The following ITGA8 variants were observed in gnomAD, a reference collection of about 807,000 sequenced individuals.
The protein encoded by ITGA8 is integrin alpha-8.
A neutral mutation model predicts 142.3 loss-of-function variants in ITGA8; 91 were observed. The observed-to-expected ratio is 0.64, with a 90% CI of 0.54 to 0.76. ITGA8 has a LOEUF of 0.76. Ranked by LOEUF, ITGA8 falls within the 30% of genes least tolerant of loss-of-function variation. ITGA8 has a pLI of 0.00. For synonymous variants in ITGA8, 505 were observed against 485.2 expected, an observed-to-expected ratio of 1.04 and a Z score of -0.54; for missense variants, 1,406 against 1,327.7, an observed-to-expected ratio of 1.06 and a Z score of -0.92.
intron 27 of ITGA8, among the ~76,000 whole-genome samples, chr10:15,541,928 G>A (rs17137392): frequency 0.055 from 8,358 of 151,784 alleles, 743 homozygotes; most frequent in African/African-American, 0.19. Context: ...CAGTACATTC[G>A]GCCCCTTGGT....
At chr10:15,592,191 T>C (rs1294252510) in intron 22 of ITGA8, 34 bp downstream of exon 22, 1 of 1,483,746 alleles carries the variant, frequency 6.7e-7, no homozygotes, top group Non-Finnish European at 9.4e-7. Flanking sequence ...TTCTTTTGAC[T>C]GCTGTCAACG....
At chr10:15,603,151 T>C (rs1408504887) in intron 20 of ITGA8, among the ~76,000 whole-genome samples, 1 of 152,074 alleles carries the variant, frequency 6.6e-6, no homozygotes, top group African/African-American at 2.4e-5. Context: ...ACTAAGAAGA[T>C]CGTTCAACTA....
intron 11 of ITGA8, among the ~76,000 whole-genome samples, chr10:15,649,158 C>T (rs1286666190): frequency 6.6e-6 from 1 of 151,936 alleles, no homozygotes; most frequent in Non-Finnish European, 1.5e-5. Context: ...ATGCTTGGTG[C>T]TAGGGGCATT....
rs1379893147 is a variant in ITGA8 at position 15,572,354 on chromosome 10, G to C, written c.2494C>G (p.Pro832Ala). 3 of 1,613,726 alleles carry C rather than the reference G, an allele frequency of 1.9e-6. No individual in the cohort carries two copies. Among genetic ancestry groups the C allele is most frequent in the African/African-American group, 1.3e-5 (1 of 74,860 alleles). Residue 832 changes from proline to alanine, a missense_variant, in exon 25 of 30, where the codon CCA (proline) becomes GCA (alanine). Pro to Ala is a conservative substitution (Grantham distance 27). Coordinates refer to ENST00000378076, the MANE Select transcript of ITGA8 (RefSeq NM_003638.3). ...EHIYELHNIG[P>A]STISDTILEV... is the part of the protein sequence containing the mutation. Reference sequence around the variant, plus strand: ...AGGATGGTGTCACTGATGGTACTTGGTCCAATATTGTGCAGCTGTAAACAA... The same window carrying C: ...AGGATGGTGTCACTGATGGTACTTGCTCCAATATTGTGCAGCTGTAAACAA...
chr10:15,689,589 C>T (rs1189439564), intron 2 of ITGA8, among the ~76,000 whole-genome samples: 1 of 152,230 alleles, frequency 6.6e-6, no homozygotes, highest in African/African-American at 2.4e-5. Flanking sequence ...AGCAGCACAA[C>T]TCCAGAGACG....
At position 15,633,839 on chromosome 10, in the gene ITGA8, G is replaced by C. The variant is rs184514701; in HGVS notation, c.1399+10191C>G. ...ATTAATTCACAATGTTGTATCCCTT[G>C]ATAATACAAAGGGTTGTCAAAAGTA... On this transcript the variant is annotated intron_variant, in intron 13 of 29. Transcript: ENST00000378076. Among the ~76,000 whole-genome samples the C allele has an allele frequency of 5.3e-5, 8 of 152,222 alleles. No individual in the cohort carries two copies. The East Asian group carries it at 1.5e-3, about 29-fold the overall frequency.
chr10:15,588,218 G>A (rs1316968591), intron 22 of ITGA8, among the ~76,000 whole-genome samples: 1 of 152,202 alleles, frequency 6.6e-6, no homozygotes, highest in Non-Finnish European at 1.5e-5. Flanking sequence ...AAAGCAGGAG[G>A]CGGCAGAATT....
intron 29 of ITGA8, among the ~76,000 whole-genome samples, chr10:15,518,065 C>G (rs1832996323): frequency 6.6e-6 from 1 of 152,188 alleles, no homozygotes; most frequent in South Asian, 2.1e-4. Flanking sequence ...TATTTCAATG[C>G]CAGAACCAGG....
At chr10:15,615,768 C>T (rs1050653822) in intron 14 of ITGA8, among the ~76,000 whole-genome samples, 3 of 152,140 alleles carry the variant, frequency 2.0e-5, no homozygotes, top group Non-Finnish European at 2.9e-5. Flanking sequence ...CCCACCTCGG[C>T]CCCCCAAAGT....
At chr10:15,675,989 T>TA (rs1269421057) in intron 6 of ITGA8, among the ~76,000 whole-genome samples, 1 of 152,216 alleles carries the variant, frequency 6.6e-6, no homozygotes, top group Middle Eastern at 3.2e-3. Context: ...TAATTTATGG[T>TA]AAAAATATCA....
At chr10:15,677,142 T>G (rs562016981) in intron 6 of ITGA8, among the ~76,000 whole-genome samples, 1 of 152,176 alleles carries the variant, frequency 6.6e-6, no homozygotes, top group Non-Finnish European at 1.5e-5. Context: ...CAAGGATGAA[T>G]AGAGATTCAG....
intron 13 of ITGA8, among the ~76,000 whole-genome samples, chr10:15,622,675 C>A (rs942761580): frequency 6.6e-6 from 1 of 151,918 alleles, no homozygotes; most frequent in Non-Finnish European, 1.5e-5. Flanking sequence ...AATGTATATG[C>A]CTGATTAAAT....
chr10:15,531,659 T>C (rs1442499607), intron 27 of ITGA8, among the ~76,000 whole-genome samples: 2 of 152,134 alleles, frequency 1.3e-5, no homozygotes, highest in Non-Finnish European at 2.9e-5. Context: ...ATGTATTGGC[T>C]GGGCGCAGTG....
intron 28 of ITGA8, among the ~76,000 whole-genome samples, chr10:15,525,754 GTAT>G (rs1319333127): frequency 2.0e-5 from 3 of 148,596 alleles, no homozygotes; most frequent in South Asian, 2.2e-4. Flanking sequence ...AATGATAAAA[GTAT>G]TATCCTTTCA....
chr10:15,616,666 G>A lies in ITGA8; in HGVS notation c.1400-107C>T, dbSNP rs537034570. 1.3e-4 allele frequency: 114 copies of A among 866,546 alleles called. No homozygotes were observed. The African/African-American group carries it at 1.6e-3, about 12-fold the overall frequency. 53.7% of individuals were successfully genotyped at this position (866,546 alleles called of 1,614,324 possible). ...GAATACCCCTACATGCTGATGGTAC[G>A]AGAGCCACAAAATTAGAAGAGAAAT... On this transcript the variant is annotated intron_variant, in intron 13 of 29. Transcript: ENST00000378076.
At position 15,546,534 on chromosome 10, in the gene ITGA8, G is replaced by T. The variant is rs115639084; in HGVS notation, c.2880+1921C>A. 7.9e-3 allele frequency among the ~76,000 whole-genome samples: 1,207 copies of T among 152,294 alleles called. 16 individuals are homozygous for T. The highest frequency in any genetic ancestry group is 0.027 in the African/African-American group (1,139 of 41,564). ...GAGAATTTTGGTTGTCACACCTGGG[G>T]TGAGGGTGCTACCAGCACCTACTAG... On this transcript the variant is annotated intron_variant, in intron 27 of 29. Transcript: ENST00000378076.
At chr10:15,527,462 C>T (rs1833196839) in intron 28 of ITGA8, among the ~76,000 whole-genome samples, 1 of 152,164 alleles carries the variant, frequency 6.6e-6, no homozygotes, top group Non-Finnish European at 1.5e-5. Flanking sequence ...GGCGAAAGTT[C>T]CTTGGTGAGC....
In ITGA8 at chr10:15,655,401, T is replaced by C. The variant is rs1346659402; in HGVS notation, c.954A>G (p.Ala318=). 1.2e-6 allele frequency: 2 copies of C among 1,610,434 alleles called. No individual in the cohort carries two copies. The highest frequency in any genetic ancestry group is 1.7e-5 in the Admixed American group (1 of 59,844). Residue 318 remains alanine (A), a synonymous_variant, in exon 11 of 30, where the codon GCA becomes GCG. Coordinates refer to ENST00000378076, the MANE Select transcript of ITGA8 (RefSeq NM_003638.3). ...FIQNFTGEQM[A]SYFGYTVVVS... Reference sequence around the variant, plus strand: ...CGACAACGGTATATCCAAAATAAGATGCCATCTGCAAAGGAAAATCAGGAG... The same window carrying C: ...CGACAACGGTATATCCAAAATAAGACGCCATCTGCAAAGGAAAATCAGGAG...
At chr10:15,682,853 CAAAA>C (rs3048323) in intron 4 of ITGA8, among the ~76,000 whole-genome samples, 44 of 120,122 alleles carry the variant, frequency 3.7e-4, no homozygotes, top group Admixed American at 5.2e-4. Context: ...GACCCTGTCT[CAAAA>C]AAAAAAAAAA....
Sources: gnomAD v4.1 joint callset for allele counts (sites outside exome capture counted in the v4.1 genomes callset) on GRCh38, gnomAD v4.1.1 for gene constraint, MANE v1.5 for transcripts, NCBI Gene and HGNC (gene_info 2026-07-23, HGNC 2026-07-21) for gene names.